SS18L1: variants seen among roughly 807,000 people sequenced by gnomAD.
The protein encoded by SS18L1 is SS18L1 subunit of BAF chromatin remodeling complex.
SS18L1 carries 32 observed loss-of-function variants against 70.3 expected under a neutral mutation model. That is an observed-to-expected ratio of 0.46 (90% CI 0.34 to 0.61). The LOEUF (loss-of-function observed/expected upper bound fraction) is 0.61. Ranked by LOEUF, SS18L1 falls within the 20% of genes least tolerant of loss-of-function variation. SS18L1 has a pLI of 0.01. For synonymous variants in SS18L1, 237 were observed against 229.7 expected (o/e 1.03, Z -0.29); for missense variants, 430 against 542.1 (o/e 0.79, Z 2.05).
chr20:62,156,168 CGTGCTGGG>C (rs1228672069), intron 1 of SS18L1, among the ~76,000 whole-genome samples: 1 of 152,170 alleles, frequency 6.6e-6, no homozygotes, highest in African/African-American at 2.4e-5. Flanking sequence ...ATCCCGGCCC[CGTGCTGGG>C]AGTGATGCTG....
intron 1 of SS18L1, among the ~76,000 whole-genome samples, chr20:62,146,862 GCCCCCTCC>G (rs2057039203): frequency 6.6e-6 from 1 of 151,746 alleles, no homozygotes; most frequent in South Asian, 2.1e-4. Context: ...CAAGTGATCT[GCCCCCTCC>G]CCCCCTTAGC....
intron 1 of SS18L1, among the ~76,000 whole-genome samples, chr20:62,156,156 C>A (rs1454447487): frequency 3.3e-5 from 5 of 152,202 alleles, no homozygotes; most frequent in Admixed American, 6.5e-5. Context: ...GCCCCCCGGC[C>A]CATCCCGGCC....
At chr20:62,168,437 G>A (rs1406647780) in intron 8 of SS18L1, among the ~76,000 whole-genome samples, 1 of 152,174 alleles carries the variant, frequency 6.6e-6, no homozygotes, top group African/African-American at 2.4e-5. Context: ...GGCCCATGGT[G>A]CAGTGGAGAG....
In SS18L1 at chr20:62,161,287, G is replaced by A; in HGVS notation, c.232-149G>A. 2 of 1,121,454 alleles carry A rather than the reference G, an allele frequency of 1.8e-6. No individual in the cohort carries two copies. The highest frequency in any genetic ancestry group is 2.6e-6 in the Non-Finnish European group (2 of 763,372). The allele number at this position is 1,121,454 out of a possible 1,614,324, so 69.5% of individuals were successfully genotyped here. ...CCTGGTGCTCTGCGGTCACCTGGCT[G>A]TGACGATGGCTGCTGATTACGAACA... On this transcript the variant is annotated intron_variant, in intron 3 of 10. Transcript: ENST00000331758. The surrounding 1 kb of genome is among the most constrained non-coding windows in gnomAD (Gnocchi z 4.4).
At chr20:62,175,967 G>C (rs1207798743) in intron 10 of SS18L1, among the ~76,000 whole-genome samples, 2 of 152,252 alleles carry the variant, frequency 1.3e-5, no homozygotes, top group Non-Finnish European at 2.9e-5. Flanking sequence ...TCCCCAGTGT[G>C]TGCTGGGCGC....
rs773054695 is a variant in SS18L1 at position 62,162,834 on chromosome 20, C to T, written c.459C>T (p.Ser153=). The change falls in exon 5 of 11, where the codon AGC becomes AGT. Residue 153 remains serine, a synonymous_variant. Transcript: ENST00000331758. ...TGAGCATCTCTGGGCCCGGCTACAG[C>T]CACGCGGGACCCGCCTCGCAGGGCG... ...TSMSISGPGY[S]HAGPASQGVP... is the part of the protein sequence containing the mutation. The T allele has an allele frequency of 6.2e-7, 1 of 1,612,882 alleles. No individual in the cohort carries two copies. The highest frequency in any genetic ancestry group is 8.5e-7 in the Non-Finnish European group (1 of 1,179,958).
At position 62,174,475 on chromosome 20, in the gene SS18L1, T is replaced by C. The variant is rs1357579925; in HGVS notation, c.1037-42T>C. 4 of 1,555,672 alleles carry C rather than the reference T, an allele frequency of 2.6e-6. No homozygotes were observed. Among genetic ancestry groups the C allele is most frequent in the African/African-American group, 1.4e-5 (1 of 71,936 alleles). On this transcript the variant is annotated intron_variant, in intron 9 of 10. Transcript: ENST00000331758. The surrounding 1 kb of genome is among the most constrained non-coding windows in gnomAD (Gnocchi z 4.1). ...AAGTTAAGAAAAAAAAAGAAAGAGG[T>C]GTCCGTTTTGGCCGGCCTCACGGTT... is the stretch of plus-strand genomic sequence containing the variant.
In SS18L1 at chr20:62,158,925, G is replaced by A. The variant is rs1018002461; in HGVS notation, c.146+177G>A. On this transcript the variant is annotated intron_variant, in intron 2 of 10. Coordinates refer to ENST00000331758, the MANE Select transcript of SS18L1 (RefSeq NM_198935.3). The surrounding 1 kb of genome is among the most constrained non-coding windows in gnomAD (Gnocchi z 4.5). ...TGCACAGAGGCCAGATATGTCCCAG[G>A]AGTCCCCCAGCACGGAGGTCAGATA... 3 of 1,591,600 alleles carry A rather than the reference G, an allele frequency of 1.9e-6. No individual in the cohort carries two copies. In the African/African-American group the frequency reaches 4.1e-5, roughly 22 times the overall value.
At chr20:62,170,995 G>A (rs66980017) in intron 8 of SS18L1, among the ~76,000 whole-genome samples, 20,703 of 151,556 alleles carry the variant, frequency 0.14, 1,724 homozygotes, top group South Asian at 0.24. Context: ...TCCTCCTCCT[G>A]GGTTCACACC....
intron 1 of SS18L1, among the ~76,000 whole-genome samples, chr20:62,150,127 C>T (rs904472331): frequency 1.3e-5 from 2 of 152,232 alleles, no homozygotes; most frequent in African/African-American, 2.4e-5. Flanking sequence ...GAGGCAGCAG[C>T]CAGCTCCTCT....
In SS18L1 at chr20:62,179,210, G is replaced by A. The variant is rs2057671792; in HGVS notation, c.*2G>A. On this transcript the variant is annotated 3_prime_UTR_variant, in exon 11 of 11. Transcript: ENST00000331758. ...CAGTATGGAAATTACCAGCAGTAAG[G>A]GACACACATTCTGGCTGGAGCCCTT... The A allele has an allele frequency of 6.2e-7, 1 of 1,614,162 alleles. No individual in the cohort carries two copies. Among genetic ancestry groups the A allele is most frequent in the East Asian group, 2.2e-5 (1 of 44,868 alleles).
rs1248046932 is a variant in SS18L1, at chr20:62,174,020, A to C, written c.1037-497A>C. 7.9e-5 allele frequency among the ~76,000 whole-genome samples: 12 copies of C among 151,266 alleles called. No individual in the cohort carries two copies. The highest frequency in any genetic ancestry group is 4.2e-4 in the South Asian group (2 of 4,796). On this transcript the variant is annotated intron_variant, in intron 9 of 10. Coordinates refer to ENST00000331758, the MANE Select transcript of SS18L1 (RefSeq NM_198935.3). This position sits in a 1 kb window ranked among gnomAD's most constrained non-coding sequence, Gnocchi z 4.1. The stretch of plus-strand genomic sequence containing the variant: ...GGTGACAGAGTGACACCCTGCCTAA[A>C]AAAAAAAAAAAAAATTGGCCTCTAT...
rs763750161 is a variant in SS18L1, at chr20:62,172,800, C to T, written c.1035C>T (p.Tyr345=). 8.1e-6 allele frequency: 13 copies of T among 1,612,654 alleles called. No homozygotes were observed. The highest frequency in any genetic ancestry group is 5.5e-5 in the South Asian group (5 of 90,958). ...QQSYPGQQQG[Y]GSAQGAPSQY... is the part of the protein sequence containing the mutation. ...GCTACCCCGGGCAGCAGCAGGGCTA[C>T]GGTAAGAGGCGAGCACGGTCCTCGG... The change falls in exon 9 of 11, where the codon TAC becomes TAT. Residue 345 remains tyrosine (Y), a splice_region_variant and synonymous_variant. Transcript: ENST00000331758.
intron 3 of SS18L1, among the ~76,000 whole-genome samples, chr20:62,160,686 G>T (rs1042981601): frequency 6.6e-6 from 1 of 152,188 alleles, no homozygotes; most frequent in Non-Finnish European, 1.5e-5. Context: ...CGGGAATGAC[G>T]TATCTCCTAG....
At chr20:62,150,317 G>A (rs999545335) in intron 1 of SS18L1, among the ~76,000 whole-genome samples, 2 of 152,224 alleles carry the variant, frequency 1.3e-5, no homozygotes, top group Non-Finnish European at 2.9e-5. Context: ...GGCTCAGAGG[G>A]AAGGACTGCT....
chr20:62,151,185 T>A (rs1272860431), intron 1 of SS18L1, among the ~76,000 whole-genome samples: 1 of 151,968 alleles, frequency 6.6e-6, no homozygotes, highest in African/African-American at 2.4e-5. Flanking sequence ...TCCCCTACTC[T>A]CTGTGGGCTC....
chr20:62,146,280 C>T (rs562005099), intron 1 of SS18L1, among the ~76,000 whole-genome samples: 13 of 152,240 alleles, frequency 8.5e-5, no homozygotes, highest in Non-Finnish European at 1.8e-4. Flanking sequence ...TGGCATGTGA[C>T]TGATTATTCT....
At position 62,182,216 on chromosome 20, in the gene SS18L1, G is replaced by A; in HGVS notation, c.*3008G>A. On this transcript the variant is annotated 3_prime_UTR_variant, in exon 11 of 11. Coordinates refer to ENST00000331758, the MANE Select transcript of SS18L1 (RefSeq NM_198935.3). Reference sequence around the variant, plus strand: ...TGGTTGGAGTGTTAAGTGAACCTCTGATTTTGTCAGGGTTTTTCTACGTGT... The same window carrying A: ...TGGTTGGAGTGTTAAGTGAACCTCTAATTTTGTCAGGGTTTTTCTACGTGT... 1 of 219,148 alleles carries A rather than the reference G, an allele frequency of 4.6e-6. No individual in the cohort carries two copies. Among genetic ancestry groups the A allele is most frequent in the Non-Finnish European group, 9.1e-6 (1 of 109,344 alleles). The allele number at this position is 219,148 out of a possible 1,614,324, so 13.6% of individuals were successfully genotyped here. A position where few individuals can be genotyped will look rare whatever the true frequency, so the allele number is the denominator to read the frequency against.
chr20:62,154,802 G>A (rs2057193396), intron 1 of SS18L1, among the ~76,000 whole-genome samples: 1 of 152,140 alleles, frequency 6.6e-6, no homozygotes, highest in Non-Finnish European at 1.5e-5. Context: ...AAGGATTTGG[G>A]GGTGATTTCT....
Sources: allele counts gnomAD v4.1 joint callset (sites outside exome capture counted in the v4.1 genomes callset), GRCh38; gene constraint gnomAD v4.1.1; non-coding constraint Gnocchi (gnomAD v3.1); transcripts MANE v1.5; gene names NCBI Gene and HGNC (gene_info 2026-07-23, HGNC 2026-07-21).